ILDR1: variants seen among roughly 807,000 people sequenced by gnomAD.
ILDR1 encodes immunoglobulin like domain containing receptor 1, also known as immunoglobulin-like domain-containing receptor 1.
Under a neutral mutation model 62.4 loss-of-function variants are expected in ILDR1, and 56 were observed. That is an observed-to-expected ratio of 0.90 (90% CI 0.72 to 1.12). The LOEUF is 1.12. ILDR1 is among the 50% of genes most tolerant of loss of function. The probability of loss-of-function intolerance (pLI) is 0.00; values close to 1 mark genes in which losing one functional copy is unlikely to be tolerated. For missense variants in ILDR1, 736 were observed against 710.6 expected, an observed-to-expected ratio of 1.04 and a Z score of -0.41; for synonymous variants, 284 against 277.8, an observed-to-expected ratio of 1.02 and a Z score of -0.22.
chr3:122,053,331 GT>G, the ILDR1 span, among the ~76,000 whole-genome samples: 1 of 151,790 alleles, frequency 6.6e-6, no homozygotes, highest in Non-Finnish European at 1.5e-5. Context: ...AGTTGTAGGA[GT>G]TTTTTTAATC....
chr3:122,049,080 G>A, the ILDR1 span, among the ~76,000 whole-genome samples: 1 of 152,120 alleles, frequency 6.6e-6, no homozygotes, highest in Non-Finnish European at 1.5e-5. Flanking sequence ...TGCATTTGCT[G>A]CATTCCATAA....
upstream of ILDR1, among the ~76,000 whole-genome samples, chr3:122,024,095 G>T (rs1001038782): frequency 1.3e-5 from 2 of 151,226 alleles, no homozygotes; most frequent in African/African-American, 4.9e-5. Context: ...TCCCATGTTT[G>T]TTCCGTTGAA....
chr3:122,031,186 C>T, the ILDR1 span, among the ~76,000 whole-genome samples: 1 of 152,152 alleles, frequency 6.6e-6, no homozygotes, highest in African/African-American at 2.4e-5. Context: ...AGCTGCATAA[C>T]TCTAAATAAG....
At chr3:122,047,658 G>A in the ILDR1 span, among the ~76,000 whole-genome samples, 36 of 152,324 alleles carry the variant, frequency 2.4e-4, no homozygotes, top group Middle Eastern at 6.8e-3. Flanking sequence ...CAATATTCGG[G>A]TGGGAGTGAC....
the ILDR1 span, among the ~76,000 whole-genome samples, chr3:122,048,230 T>C: frequency 2.0e-5 from 3 of 152,252 alleles, no homozygotes; most frequent in African/African-American, 7.2e-5. Flanking sequence ...ATTTTAATGA[T>C]GTACCATACT....
the ILDR1 span, among the ~76,000 whole-genome samples, chr3:122,029,645 C>T: frequency 2.0e-5 from 3 of 151,368 alleles, no homozygotes; most frequent in Admixed American, 6.6e-5. Context: ...TATTTTTTTA[C>T]AAACATATGA....
the ILDR1 span, among the ~76,000 whole-genome samples, chr3:122,039,091 C>T: frequency 2.0e-5 from 3 of 150,174 alleles, no homozygotes; most frequent in African/African-American, 7.3e-5. Flanking sequence ...AACACAGAAC[C>T]ACCAAGAGCT....
At chr3:122,007,381 G>A in intron 1 of ILDR1, 1 of 865,470 alleles carries the variant, frequency 1.2e-6, no homozygotes, top group Admixed American at 2.4e-5. Flanking sequence ...AAAGGAGTGA[G>A]GAAAACTCCC....
At chr3:122,060,164 T>C in the ILDR1 span, among the ~76,000 whole-genome samples, 3 of 152,096 alleles carry the variant, frequency 2.0e-5, no homozygotes, top group Non-Finnish European at 4.4e-5. Flanking sequence ...AAAACAGGAT[T>C]ACATCACTTA....
the ILDR1 span, among the ~76,000 whole-genome samples, chr3:122,047,588 C>G: frequency 1.3e-5 from 2 of 152,132 alleles, no homozygotes; most frequent in African/African-American, 4.8e-5. Flanking sequence ...TAGGACCCTC[C>G]GAGCCAGGTG....
At position 121,994,284 on chromosome 3, in the gene ILDR1, C is replaced by A; in HGVS notation, c.676G>T (p.Ala226Ser). ...ALARHRYMKQ[A>S]QALGPQMMGK... is the part of the protein sequence containing the mutation. ...ATCATCTGAGGACCTAGGGCCTGGG[C>A]CTGCTTCATGTAGCGGTGGCGGGCC... The change falls in exon 6 of 8, where the codon GCC becomes TCC. Residue 226 changes from alanine to serine, a missense_variant. Transcript: ENST00000344209. The A allele has an allele frequency of 6.5e-7, 1 of 1,535,860 alleles. No homozygotes were observed. Among genetic ancestry groups the A allele is most frequent in the Non-Finnish European group, 8.7e-7 (1 of 1,146,740 alleles).
At chr3:122,009,717 A>G (rs941828842) in intron 1 of ILDR1, among the ~76,000 whole-genome samples, 1 of 152,214 alleles carries the variant, frequency 6.6e-6, no homozygotes, top group African/African-American at 2.4e-5. Context: ...AAACAAATGT[A>G]GTTATTATCC....
rs534134637 is a variant in ILDR1 at position 121,997,471 on chromosome 3, A to C, written c.647-3158T>G. On this transcript the variant is annotated intron_variant, in intron 5 of 7. Transcript: ENST00000344209. The stretch of plus-strand genomic sequence containing the variant: ...CATGCATTCCCTCCTCTATAGCAGC[A>C]GGTTAAACATTCCCCACCTCTTAGG... Among the ~76,000 whole-genome samples the C allele has an allele frequency of 1.4e-4, 21 of 152,314 alleles. No individual in the cohort carries two copies. The South Asian group carries it at 4.4e-3, about 32-fold the overall frequency.
chr3:122,000,197 C>T (rs2071496871), intron 5 of ILDR1, among the ~76,000 whole-genome samples: 1 of 151,604 alleles, frequency 6.6e-6, no homozygotes, highest in Non-Finnish European at 1.5e-5. Flanking sequence ...TCAGGTCCTG[C>T]CCCAGACAGG....
chr3:121,994,392 G>A (rs2071407954), intron 5 of ILDR1, 79 bp from the exon 6 acceptor site: 2 of 1,451,258 alleles, frequency 1.4e-6, no homozygotes, highest in African/African-American at 1.4e-5. Flanking sequence ...TTCCACCTAG[G>A]GGCCTTGCAA....
At chr3:122,048,800 G>A in the ILDR1 span, among the ~76,000 whole-genome samples, 2 of 151,878 alleles carry the variant, frequency 1.3e-5, no homozygotes. Flanking sequence ...TCTTATCTGA[G>A]TCTTCTCTTT....
At chr3:122,007,412 C>CA (rs1016367481) in intron 1 of ILDR1, 77 of 594,554 alleles carry the variant, frequency 1.3e-4, no homozygotes, top group Non-Finnish European at 2.0e-4. Flanking sequence ...AGTGCATTAA[C>CA]AGTGATGACA....
the ILDR1 span, among the ~76,000 whole-genome samples, chr3:122,039,775 C>T: frequency 2.7e-4 from 41 of 151,860 alleles, no homozygotes; most frequent in Admixed American, 2.7e-3. Context: ...TTTCAATGTG[C>T]TAAAAGAATT....
rs2071267675 is a variant in ILDR1 at position 121,987,458 on chromosome 3, A to G, written c.*909T>C. ...ATACACAATATATATGAAAATATAA[A>G]TTAGATATACAGGTAAAAAAAGAGC... On this transcript the variant is annotated 3_prime_UTR_variant, in exon 8 of 8. Transcript: ENST00000344209. 6.6e-6 allele frequency: 1 copy of G among 152,194 alleles called. No homozygotes were observed. The highest frequency in any genetic ancestry group is 2.1e-4 in the South Asian group (1 of 4,834). The allele number at this position is 152,194 out of a possible 1,614,324, so 9.4% of individuals were successfully genotyped here.
Sources: gnomAD v4.1 joint callset for allele counts (sites outside exome capture counted in the v4.1 genomes callset) on GRCh38, gnomAD v4.1.1 for gene constraint, MANE v1.5 for transcripts, NCBI Gene and HGNC (gene_info 2026-07-23, HGNC 2026-07-21) for gene names.